The following PDS5B variants were observed in gnomAD, a reference collection of about 807,000 sequenced individuals.
PDS5B encodes sister chromatid cohesion protein PDS5 homolog B.
PDS5B carries 51 observed loss-of-function variants against 184.1 expected under a neutral mutation model. The observed-to-expected ratio is 0.28, with a 90% confidence interval of 0.22 to 0.35. PDS5B has a LOEUF of 0.35. Among genes scored for constraint, PDS5B ranks in the 10% least tolerant of loss-of-function variants. The pLI is 1.00. For synonymous variants in PDS5B, 566 were observed against 569.2 expected (o/e 0.99, Z 0.08); for missense variants, 1,180 against 1,723.3 (o/e 0.68, Z 5.58).
chr13:32,709,803 T>G, intron 18 of PDS5B, 143 bp from the exon 19 acceptor site: 1 of 408,196 alleles, frequency 2.4e-6, no homozygotes, highest in Non-Finnish European at 4.2e-6. Context: ...GTTTTAAATT[T>G]TATTTATAGT....
Position 32,684,020 on chromosome 13 carries a change from A to G in PDS5B, c.1200A>G (p.Lys400=). The G allele has an allele frequency of 6.7e-7, 1 of 1,489,214 alleles. No individual in the cohort carries two copies. The highest frequency in any genetic ancestry group is 9.2e-7 in the Non-Finnish European group (1 of 1,084,010). 92.3% of individuals were successfully genotyped at this position (1,489,214 alleles called of 1,614,324 possible). ...TTGTGAGAGAGAGAACATTAGACAA[A>G]CGAGTAAGTATGAATAAATAATTAT... is the stretch of plus-strand genomic sequence containing the variant. ...LNFVRERTLD[K]RWRVRKEAMM... The change falls in exon 11 of 35, where the codon AAA becomes AAG. Residue 400 remains lysine (K), a synonymous_variant. Transcript: ENST00000315596.
At chr13:32,586,980 C>CCCGCGCCCTCCCGCCG (rs1342435546) in intron 1 of PDS5B, among the ~76,000 whole-genome samples, 1 of 134,014 alleles carries the variant, frequency 7.5e-6, no homozygotes, top group Non-Finnish European at 1.6e-5. Flanking sequence ...CGCCCGGCCG[C>CCCGCGCCCTCCCGCCG]CCGCGCCCTC....
At chr13:32,593,834 C>T (rs2057813787) in intron 1 of PDS5B, among the ~76,000 whole-genome samples, 1 of 151,560 alleles carries the variant, frequency 6.6e-6, no homozygotes, top group Non-Finnish European at 1.5e-5. Context: ...TCGAGGGTGG[C>T]AAGGTGGAAG....
chr13:32,776,643 A>G lies in PDS5B; in HGVS notation c.*1591A>G, dbSNP rs1323686801. Reference sequence around the variant, plus strand: ...ACTTATTAAATTTATCACATTGAATAGTGGAACATTTTCATATGATACACC... The same window carrying G: ...ACTTATTAAATTTATCACATTGAATGGTGGAACATTTTCATATGATACACC... On this transcript the variant is annotated 3_prime_UTR_variant, in exon 35 of 35. Transcript: ENST00000315596. The G allele has an allele frequency of 6.6e-6, 1 of 152,428 alleles. No homozygotes were observed. Among genetic ancestry groups the G allele is most frequent in the Non-Finnish European group, 1.5e-5 (1 of 67,940 alleles). The allele number at this position is 152,428 out of a possible 1,614,324, so 9.4% of individuals were successfully genotyped here. A position where few individuals can be genotyped will look rare whatever the true frequency, so the allele number is the denominator to read the frequency against.
chr13:32,616,096 C>T (rs1387189478), intron 1 of PDS5B, among the ~76,000 whole-genome samples: 2 of 151,776 alleles, frequency 1.3e-5, no homozygotes, highest in African/African-American at 4.8e-5. Context: ...TCTTGGTGCC[C>T]AGGCTGGAGT....
chr13:32,643,207 A>G (rs984215467), intron 1 of PDS5B, among the ~76,000 whole-genome samples: 2 of 152,086 alleles, frequency 1.3e-5, no homozygotes, highest in Admixed American at 1.3e-4. Flanking sequence ...CCATTTATCA[A>G]TCTTTCCCTG....
At chr13:32,712,759 C>G (rs79760182) in intron 19 of PDS5B, among the ~76,000 whole-genome samples, 5,843 of 152,224 alleles carry the variant, frequency 0.038, 349 homozygotes, top group African/African-American at 0.13. Flanking sequence ...TTTAGCTGTA[C>G]TAGGACTAAA....
chr13:32,602,115 T>C (rs1157937060), intron 1 of PDS5B, among the ~76,000 whole-genome samples: 1 of 152,202 alleles, frequency 6.6e-6, no homozygotes, highest in Non-Finnish European at 1.5e-5. Context: ...AATTATACTT[T>C]AAGTGCTAGG....
chr13:32,742,785 A>G (rs1566399657), intron 23 of PDS5B, 58 bp downstream of exon 23: 2 of 1,456,178 alleles, frequency 1.4e-6, no homozygotes, highest in Non-Finnish European at 1.9e-6. Context: ...CTCTTGGTGT[A>G]ACTGTTCAAT....
At chr13:32,655,379 T>A (rs865857060) in intron 3 of PDS5B, among the ~76,000 whole-genome samples, 23,065 of 73,484 alleles carry the variant, frequency 0.31, 5,089 homozygotes, top group Non-Finnish European at 0.4. Context: ...TATATATTTT[T>A]TTTTTTTTTT....
intron 1 of PDS5B, among the ~76,000 whole-genome samples, chr13:32,619,258 G>T (rs1431827323): frequency 6.6e-6 from 1 of 152,124 alleles, no homozygotes; most frequent in Non-Finnish European, 1.5e-5. Flanking sequence ...AACAACAGGG[G>T]TACATTCTGA....
chr13:32,681,787 T>C (rs1457476490), intron 10 of PDS5B, among the ~76,000 whole-genome samples: 1 of 152,172 alleles, frequency 6.6e-6, no homozygotes, highest in Non-Finnish European at 1.5e-5. Flanking sequence ...CCTTATACTG[T>C]AGTGCTTCTC....
intron 8 of PDS5B, 69 bp downstream of exon 8, chr13:32,673,425 A>T: frequency 7.6e-7 from 1 of 1,307,264 alleles, no homozygotes; most frequent in Non-Finnish European, 1.1e-6. Context: ...ATAGCTTTTT[A>T]ATTTTTACAG....
At chr13:32,743,556 G>C (rs17077797) in intron 23 of PDS5B, among the ~76,000 whole-genome samples, 1,889 of 152,140 alleles carry the variant, frequency 0.012, 48 homozygotes, top group African/African-American at 0.043. Flanking sequence ...GAATAGCTCT[G>C]TGCTCCTTAA....
At chr13:32,606,562 G>T (rs758287156) in intron 1 of PDS5B, among the ~76,000 whole-genome samples, 1 of 152,064 alleles carries the variant, frequency 6.6e-6, no homozygotes, top group Non-Finnish European at 1.5e-5. Context: ...TGCCCTTCTC[G>T]AGGAGTATCT....
At chr13:32,638,213 T>TA (rs1454298712) in intron 1 of PDS5B, among the ~76,000 whole-genome samples, 7 of 152,328 alleles carry the variant, frequency 4.6e-5, no homozygotes, top group Non-Finnish European at 8.8e-5. Flanking sequence ...CACAAACACT[T>TA]ACTAAACTTC....
chr13:32,740,734 C>A (rs1953511814), intron 21 of PDS5B, among the ~76,000 whole-genome samples: 5 of 151,510 alleles, frequency 3.3e-5, no homozygotes. Context: ...CACCTTTTGG[C>A]TCCATGTTTT....
intron 16 of PDS5B, among the ~76,000 whole-genome samples, chr13:32,700,284 T>C (rs569453627): frequency 6.6e-6 from 1 of 152,230 alleles, no homozygotes; most frequent in East Asian, 1.9e-4. Context: ...AGAAGTACAA[T>C]TGCATGGGCT....
At position 32,743,119 on chromosome 13, in the gene PDS5B, C is replaced by A. The variant is rs116639182; in HGVS notation, c.2612+392C>A. ...AATAAATGCATACTTTAAAGATGTA[C>A]CTGAAGTAAATTATTGAAAATGAGC... On this transcript the variant is annotated intron_variant, in intron 23 of 34. Coordinates refer to ENST00000315596, the MANE Select transcript of PDS5B (RefSeq NM_015032.4). 2.5e-3 allele frequency among the ~76,000 whole-genome samples: 382 copies of A among 151,500 alleles called. 2 individuals are homozygous for A. Among genetic ancestry groups the A allele is most frequent in the African/African-American group, 8.7e-3 (361 of 41,288 alleles).
Sources: gnomAD v4.1 joint callset for allele counts (sites outside exome capture counted in the v4.1 genomes callset) on GRCh38, gnomAD v4.1.1 for gene constraint, MANE v1.5 for transcripts, NCBI Gene and HGNC (gene_info 2026-07-23, HGNC 2026-07-21) for gene names.